IL22RA1: variants seen among roughly 807,000 people sequenced by gnomAD.
The protein encoded by IL22RA1 is interleukin 22 receptor subunit alpha 1, also known as interleukin-22 receptor subunit alpha-1.
A neutral mutation model predicts 32.8 loss-of-function variants in IL22RA1; 25 were observed. That is an observed-to-expected ratio of 0.76 (90% CI 0.55 to 1.06). The LOEUF (loss-of-function observed/expected upper bound fraction) is 1.06. Among genes scored for constraint, IL22RA1 ranks in the 50% least tolerant of loss-of-function variants. The pLI is 0.00. For missense variants in IL22RA1, 709 were observed against 727.4 expected, an observed-to-expected ratio of 0.97 and a Z score of 0.29; for synonymous variants, 305 against 305.0, an observed-to-expected ratio of 1.00 and a Z score of 0.00.
chr1:24,139,005 T>A (rs572486253), intron 1 of IL22RA1, among the ~76,000 whole-genome samples: 1 of 152,360 alleles, frequency 6.6e-6, no homozygotes, highest in South Asian at 2.1e-4. Context: ...CAGTGTTCAG[T>A]TCAATGGTTT....
chr1:24,120,562 C>A lies in IL22RA1; in HGVS notation c.*243G>T. 2.1e-6 allele frequency: 1 copy of A among 477,792 alleles called. No individual in the cohort carries two copies. 29.6% of individuals were successfully genotyped at this position (477,792 alleles called of 1,614,324 possible). On this transcript the variant is annotated 3_prime_UTR_variant, in exon 7 of 7. Transcript: ENST00000270800. The stretch of plus-strand genomic sequence containing the variant: ...TCTGCCTTGCAGGGCTCAGCGAGCA[C>A]GCGCTTGTCTACACAAGCTGCTCCC...
intron 6 of IL22RA1, among the ~76,000 whole-genome samples, chr1:24,122,382 T>G (rs1467310961): frequency 3.0e-5 from 3 of 99,488 alleles, no homozygotes; most frequent in African/African-American, 7.8e-5. Context: ...ATTTTTTGGG[T>G]GGGGGGTGGT....
intron 1 of IL22RA1, 105 bp from the exon 2 acceptor site, chr1:24,138,819 C>G: frequency 1.5e-6 from 2 of 1,376,200 alleles, no homozygotes; most frequent in South Asian, 2.7e-5. Flanking sequence ...ATGCAAAGTG[C>G]CTTTGCTTTC....
chr1:24,133,319 G>A (rs1486923639), intron 4 of IL22RA1, among the ~76,000 whole-genome samples: 1 of 151,810 alleles, frequency 6.6e-6, no homozygotes, highest in Non-Finnish European at 1.5e-5. Flanking sequence ...CTGACATCCT[G>A]CCCCACCTCC....
chr1:24,139,568 C>T lies in IL22RA1; in HGVS notation c.44-854G>A, dbSNP rs138148844. 3.7e-3 allele frequency among the ~76,000 whole-genome samples: 557 copies of T among 152,300 alleles called. 4 individuals are homozygous for T. The highest frequency in any genetic ancestry group is 0.013 in the African/African-American group (520 of 41,568). ...TTGGTCTTTGAGACAGGGTCTTGCT[C>T]TGTCCCCCAGGCTGGAGTGCAGTGG... On this transcript the variant is annotated intron_variant, in intron 1 of 6. Transcript: ENST00000270800.
At chr1:24,140,705 G>C (rs1644275049) in intron 1 of IL22RA1, among the ~76,000 whole-genome samples, 1 of 152,214 alleles carries the variant, frequency 6.6e-6, no homozygotes, top group African/African-American at 2.4e-5. Context: ...AGGCCCCCAG[G>C]CTTGGGCTGT....
chr1:24,140,939 A>G (rs1180706042), intron 1 of IL22RA1, among the ~76,000 whole-genome samples: 1 of 151,818 alleles, frequency 6.6e-6, no homozygotes, highest in Non-Finnish European at 1.5e-5. Context: ...GAGGGAGCAG[A>G]CAGTTATTGA....
intron 3 of IL22RA1, among the ~76,000 whole-genome samples, chr1:24,136,143 T>C (rs1644240695): frequency 6.6e-6 from 1 of 152,088 alleles, no homozygotes; most frequent in Non-Finnish European, 1.5e-5. Flanking sequence ...TTTGTAGAGA[T>C]GGGGTCTCAC....
intron 4 of IL22RA1, among the ~76,000 whole-genome samples, chr1:24,129,170 C>G (rs377386378): frequency 1.3e-5 from 2 of 152,360 alleles, no homozygotes; most frequent in African/African-American, 4.8e-5. Context: ...CTCCTCCTAC[C>G]TCTCTGACTG....
chr1:24,123,238 T>C, intron 6 of IL22RA1, 64 bp downstream of exon 6: 1 of 1,556,946 alleles, frequency 6.4e-7, no homozygotes, highest in Non-Finnish European at 8.7e-7. Context: ...TGGGGACAAC[T>C]GGGGACCTCG....
At position 24,122,747 on chromosome 1, in the gene IL22RA1, G is replaced by A. The variant is rs546299686; in HGVS notation, c.792+555C>T. On this transcript the variant is annotated intron_variant, in intron 6 of 6. Coordinates refer to ENST00000270800, the MANE Select transcript of IL22RA1 (RefSeq NM_021258.4). ...CGGGAGGTGGAGGTTGTGCTGAGAC[G>A]AGATCATGCCACTGCACTCCAGCCT... Among the ~76,000 whole-genome samples the A allele has an allele frequency of 3.1e-3, 473 of 151,750 alleles. 2 individuals carry two copies. The highest frequency in any genetic ancestry group is 4.8e-3 in the Non-Finnish European group (323 of 67,944).
chr1:24,134,666 C>T (rs1644230610), intron 3 of IL22RA1, among the ~76,000 whole-genome samples: 1 of 152,122 alleles, frequency 6.6e-6, no homozygotes, highest in Non-Finnish European at 1.5e-5. Flanking sequence ...CTTTGGCTTG[C>T]CCCCACACAT....
intron 4 of IL22RA1, among the ~76,000 whole-genome samples, chr1:24,132,425 G>A (rs568273704): frequency 3.4e-5 from 5 of 149,232 alleles, no homozygotes; most frequent in South Asian, 2.2e-4. Context: ...TCCACCTCCC[G>A]GGTTCACGCC....
chr1:24,126,155 C>T (rs1162731838), intron 5 of IL22RA1, among the ~76,000 whole-genome samples: 1 of 152,212 alleles, frequency 6.6e-6, no homozygotes, highest in Non-Finnish European at 1.5e-5. Context: ...CAGCTTAGCC[C>T]CAGAACGTCA....
chr1:24,139,682 C>T (rs10794643), intron 1 of IL22RA1, among the ~76,000 whole-genome samples: 56,201 of 151,972 alleles, frequency 0.37, 11,263 homozygotes, highest in East Asian at 0.74. Context: ...TACAGACATG[C>T]ACCACCACAT....
chr1:24,137,183 C>A lies in IL22RA1; in HGVS notation c.303G>T (p.Ala101=), dbSNP rs536741554. The change falls in exon 3 of 7, where the codon GCG becomes GCT. Residue 101 remains alanine, a synonymous_variant. Coordinates refer to ENST00000270800, the MANE Select transcript of IL22RA1 (RefSeq NM_021258.4). ...TCATCTTGGTGGCTGACCGGCCTCC[C>A]GCACTGACAGCGGTGACCCTGGCAT... ...LYYARVTAVS[A]GGRSATKMTD... 1 of 1,614,068 alleles carries A rather than the reference C, an allele frequency of 6.2e-7. No individual in the cohort carries two copies. Among genetic ancestry groups the A allele is most frequent in the South Asian group, 1.1e-5 (1 of 91,080 alleles).
rs762560017 is a variant in IL22RA1, at chr1:24,121,260, G to A, written c.1270C>T (p.His424Tyr). 1.3e-5 allele frequency: 21 copies of A among 1,614,050 alleles called. No homozygotes were observed. Among genetic ancestry groups the A allele is most frequent in the Non-Finnish European group, 1.8e-5 (21 of 1,180,034 alleles). Reference protein sequence around the residue: ...SPTGTLSSPKHLRPKGQLQKE... With the variant: ...SPTGTLSSPKYLRPKGQLQKE... ...TGAAGCTGACCTTTAGGCCTAAGGTGTTTAGGACTAGAAAGTGTCCCAGTG... is the reference window on the plus strand; with the variant it reads ...TGAAGCTGACCTTTAGGCCTAAGGTATTTAGGACTAGAAAGTGTCCCAGTG... Residue 424 changes from histidine to tyrosine, a missense_variant, in exon 7 of 7, where the codon CAC becomes TAC. Coordinates refer to ENST00000270800, the MANE Select transcript of IL22RA1 (RefSeq NM_021258.4).
At chr1:24,136,802 G>A (rs1644245295) in intron 3 of IL22RA1, among the ~76,000 whole-genome samples, 1 of 152,178 alleles carries the variant, frequency 6.6e-6, no homozygotes, top group Non-Finnish European at 1.5e-5. Flanking sequence ...TAAATGCTCT[G>A]TGGAGAATGG....
rs769939635 is a variant in IL22RA1, at chr1:24,121,067, G to A, written c.1463C>T (p.Thr488Ile). 1.6e-5 allele frequency: 26 copies of A among 1,614,084 alleles called. No individual in the cohort carries two copies. The highest frequency in any genetic ancestry group is 3.3e-5 in the Admixed American group (2 of 60,012). Residue 488 changes from threonine to isoleucine, a missense_variant, in exon 7 of 7, where the codon ACA (threonine) becomes ATA (isoleucine). Thr to Ile is a moderately conservative substitution (Grantham distance 89). Coordinates refer to ENST00000270800, the MANE Select transcript of IL22RA1 (RefSeq NM_021258.4). ...GAGCTGGCCCTTTAGGTACTGTGGT[G>A]TCCCTTCCTCCCCACTGTGTAGCAC... Reference protein sequence around the residue: ...PNVLHSGEEGTPQYLKGQLPL... With the variant: ...PNVLHSGEEGIPQYLKGQLPL...
Sources: gnomAD v4.1 joint callset for allele counts (sites outside exome capture counted in the v4.1 genomes callset) on GRCh38, gnomAD v4.1.1 for gene constraint, MANE v1.5 for transcripts, NCBI Gene and HGNC (gene_info 2026-07-23, HGNC 2026-07-21) for gene names.